The following FBXO38 variants were observed in gnomAD, a reference collection of about 807,000 sequenced individuals.
The protein encoded by FBXO38 is F-box only protein 38.
Under a neutral mutation model 131.9 loss-of-function variants are expected in FBXO38, and 53 were observed. That is an observed-to-expected ratio of 0.40 (90% CI 0.32 to 0.51). The LOEUF is 0.51. FBXO38 is among the 20% of genes least tolerant of loss of function. The pLI, the probability that FBXO38 is intolerant of heterozygous loss-of-function variation, is 0.53. For synonymous variants in FBXO38, 452 were observed against 505.6 expected, an observed-to-expected ratio of 0.89 and a Z score of 1.42; for missense variants, 1,076 against 1,475.6, an observed-to-expected ratio of 0.73 and a Z score of 4.44.
intron 6 of FBXO38, among the ~76,000 whole-genome samples, chr5:148,405,267 C>G (rs1029064721): frequency 6.6e-6 from 1 of 152,174 alleles, no homozygotes; most frequent in Non-Finnish European, 1.5e-5. Context: ...CTGGCCACAG[C>G]CCACATGATG....
chr5:148,431,284 G>A (rs986481205), intron 15 of FBXO38, among the ~76,000 whole-genome samples: 10 of 152,198 alleles, frequency 6.6e-5, no homozygotes, highest in Admixed American at 4.6e-4. Context: ...AACAGGGAGG[G>A]AGGCATAAGA....
At chr5:148,423,040 A>G (rs748207713) in intron 12 of FBXO38, among the ~76,000 whole-genome samples, 2 of 152,206 alleles carry the variant, frequency 1.3e-5, no homozygotes, top group African/African-American at 2.4e-5. Flanking sequence ...GTATGGTGGT[A>G]TATGAAATGT....
intron 2 of FBXO38, 136 bp downstream of exon 2, chr5:148,395,040 G>C (rs372757549): frequency 1.1e-6 from 1 of 927,558 alleles, no homozygotes; most frequent in African/African-American, 1.7e-5. Context: ...AATTTAGTTC[G>C]TCAGTTGCAC....
Position 148,439,635 on chromosome 5 carries a change from T to C in FBXO38, c.3025-12T>C. ...CTTTGTTGAAGACATCTCTTTATGA[T>C]GTCTTCCACAGGTGGACACTCTAAC... On this transcript the variant is annotated splice_polypyrimidine_tract_variant and intron_variant, in intron 18 of 21. Transcript: ENST00000340253. 6.2e-7 allele frequency: 1 copy of C among 1,612,698 alleles called. No individual in the cohort carries two copies. Among genetic ancestry groups the C allele is most frequent in the Non-Finnish European group, 8.5e-7 (1 of 1,179,216 alleles).
At chr5:148,416,149 T>TC in intron 11 of FBXO38, 79 bp downstream of exon 11, 3 of 1,352,830 alleles carry the variant, frequency 2.2e-6, no homozygotes, top group Non-Finnish European at 3.0e-6. Context: ...TTTTTTTTTT[T>TC]CTTTTCAATG....
intron 14 of FBXO38, 79 bp from the exon 15 acceptor site, chr5:148,427,134 A>AT (rs1384787288): frequency 8.7e-6 from 13 of 1,488,942 alleles, no homozygotes; most frequent in Non-Finnish European, 1.1e-5. Context: ...CCTGTTCCAA[A>AT]TTTACTCTTG....
intron 2 of FBXO38, among the ~76,000 whole-genome samples, 179 bp from the exon 3 acceptor site, chr5:148,398,820 G>A (rs1182781590): frequency 6.6e-6 from 1 of 151,754 alleles, no homozygotes; most frequent in East Asian, 1.9e-4. Flanking sequence ...TCAACTATTT[G>A]CTGACTTACC....
At chr5:148,441,660 A>G (rs1754693105) in intron 21 of FBXO38, among the ~76,000 whole-genome samples, 1 of 152,232 alleles carries the variant, frequency 6.6e-6, no homozygotes, top group South Asian at 2.1e-4. Flanking sequence ...GTGGTAGCAT[A>G]CTTGAATATT....
In FBXO38 at chr5:148,440,745, A is replaced by G. The variant is rs74487325; in HGVS notation, c.3274+218A>G. Among the ~76,000 whole-genome samples, 2,583 of 152,310 alleles carry G rather than the reference A, an allele frequency of 0.017. 76 individuals carry two copies. The highest frequency in any genetic ancestry group is 0.058 in the African/African-American group (2,413 of 41,558). ...TTGGGCTTACAGCAAGCAGTAACCC[A>G]AATGTAGAGAATTACACTTTTTAAA... On this transcript the variant is annotated intron_variant, in intron 20 of 21. Coordinates refer to ENST00000340253, the MANE Select transcript of FBXO38 (RefSeq NM_205836.3).
intron 9 of FBXO38, chr5:148,413,335 T>C (rs1170622336): frequency 6.9e-6 from 1 of 144,098 alleles, no homozygotes; most frequent in Admixed American, 7.0e-5. Flanking sequence ...TTCACCAGAG[T>C]GGCAGTGTTT....
rs748890035 is a variant in FBXO38, at chr5:148,411,009, T to C, written c.1093+244T>C. 59 of 410,530 alleles carry C rather than the reference T, an allele frequency of 1.4e-4. 1 individual carries two copies. The highest frequency in any genetic ancestry group is 2.2e-4 in the Non-Finnish European group (51 of 232,884). The allele number at this position is 410,530 out of a possible 1,614,324, so 25.4% of individuals were successfully genotyped here. Reference sequence around the variant, plus strand: ...TAACAATACACCAGAAAAAGAACCTTATCTACATTTGATATTGTCTCCACT... The same window carrying C: ...TAACAATACACCAGAAAAAGAACCTCATCTACATTTGATATTGTCTCCACT... On this transcript the variant is annotated intron_variant, in intron 9 of 21. Coordinates refer to ENST00000340253, the MANE Select transcript of FBXO38 (RefSeq NM_205836.3).
chr5:148,437,298 C>T (rs796508011), intron 17 of FBXO38, among the ~76,000 whole-genome samples: 2 of 152,348 alleles, frequency 1.3e-5, no homozygotes, highest in East Asian at 1.9e-4. Context: ...TTAGTCATGT[C>T]GGATTTTATA....
intron 2 of FBXO38, among the ~76,000 whole-genome samples, chr5:148,397,131 A>T (rs923685211): frequency 6.6e-6 from 1 of 152,136 alleles, no homozygotes; most frequent in Non-Finnish European, 1.5e-5. Flanking sequence ...TAAAATTTTG[A>T]TTTGAGGATT....
intron 7 of FBXO38, among the ~76,000 whole-genome samples, 157 bp downstream of exon 7, chr5:148,406,551 A>G (rs1464130965): frequency 6.6e-6 from 1 of 152,224 alleles, no homozygotes; most frequent in Non-Finnish European, 1.5e-5. Flanking sequence ...AACCATGAGC[A>G]TAGCTAGTAT....
At chr5:148,414,857 T>C (rs1254075366) in intron 10 of FBXO38, among the ~76,000 whole-genome samples, 1 of 152,182 alleles carries the variant, frequency 6.6e-6, no homozygotes, top group Admixed American at 6.5e-5. Flanking sequence ...CAGAGTAATG[T>C]CATCTGTTTT....
chr5:148,412,251 C>A (rs1483991375), intron 9 of FBXO38, among the ~76,000 whole-genome samples: 1 of 152,162 alleles, frequency 6.6e-6, no homozygotes, highest in African/African-American at 2.4e-5. Flanking sequence ...ATACTATCTT[C>A]TGTCCCTCCA....
Position 148,439,856 on chromosome 5 carries a change from G to A in FBXO38, c.3170+64G>A, listed in dbSNP as rs553855613. ...TTTCTCATAGCAGGGACTCCCAGAA[G>A]CAAATCCCAATTTTTCTTTATTTTA... On this transcript the variant is annotated intron_variant, in intron 19 of 21. Coordinates refer to ENST00000340253, the MANE Select transcript of FBXO38 (RefSeq NM_205836.3). The A allele has an allele frequency of 1.9e-5, 28 of 1,500,888 alleles. No homozygotes were observed. The South Asian group carries it at 2.9e-4, about 16-fold the overall frequency. 93.0% of individuals were successfully genotyped at this position (1,500,888 alleles called of 1,614,324 possible).
intron 1 of FBXO38, among the ~76,000 whole-genome samples, chr5:148,392,196 A>AAC (rs1758231187): frequency 6.6e-6 from 1 of 151,762 alleles, no homozygotes; most frequent in African/African-American, 2.4e-5. Context: ...CCATTTCCGT[A>AAC]GTGCACGTGA....
At chr5:148,386,071 C>T (rs1561506604) in intron 1 of FBXO38, among the ~76,000 whole-genome samples, 1 of 152,140 alleles carries the variant, frequency 6.6e-6, no homozygotes, top group Non-Finnish European at 1.5e-5. Flanking sequence ...GCTAAGCAGG[C>T]AGCCACAGAG....
Sources: allele counts gnomAD v4.1 joint callset (sites outside exome capture counted in the v4.1 genomes callset), GRCh38; gene constraint gnomAD v4.1.1; transcripts MANE v1.5; gene names NCBI Gene and HGNC (gene_info 2026-07-23, HGNC 2026-07-21).